The following KDSR variants were observed in gnomAD, a reference collection of about 807,000 sequenced individuals.
KDSR encodes 3-ketodihydrosphingosine reductase, also known as 3-dehydrosphinganine reductase.
Under a neutral mutation model 41.3 loss-of-function variants are expected in KDSR, and 23 were observed. That is an observed-to-expected ratio of 0.56 (90% CI 0.40 to 0.79). The LOEUF is 0.79. Ranked by LOEUF, KDSR falls within the 30% of genes least tolerant of loss-of-function variation. KDSR has a pLI of 0.00. For synonymous variants in KDSR, 138 were observed against 151.7 expected, an observed-to-expected ratio of 0.91 and a Z score of 0.66; for missense variants, 351 against 416.8, an observed-to-expected ratio of 0.84 and a Z score of 1.37.
intron 1 of KDSR, among the ~76,000 whole-genome samples, chr18:63,363,245 A>C (rs960593324): frequency 7.1e-6 from 1 of 140,272 alleles, no homozygotes; most frequent in African/African-American, 2.7e-5. Context: ...TTATACTCTA[A>C]GTTTTAGGGT....
chr18:63,340,397 CA>C (rs1286931013), intron 7 of KDSR, among the ~76,000 whole-genome samples: 27 of 152,196 alleles, frequency 1.8e-4, no homozygotes, highest in Non-Finnish European at 1.8e-4. Context: ...CATCTTTCTA[CA>C]AATATACAGT....
intron 3 of KDSR, among the ~76,000 whole-genome samples, chr18:63,357,079 T>C (rs1352669919): frequency 6.6e-6 from 1 of 152,204 alleles, no homozygotes; most frequent in African/African-American, 2.4e-5. Context: ...ATTTACTTAA[T>C]GCACATGGAA....
Position 63,338,852 on chromosome 18 carries a change from G to A in KDSR, c.725C>T (p.Thr242Ile), listed in dbSNP as rs1914260896. 2 of 1,608,768 alleles carry A rather than the reference G, an allele frequency of 1.2e-6. No homozygotes were observed. Among genetic ancestry groups the A allele is most frequent in the Admixed American group, 1.7e-5 (1 of 58,336 alleles). ...CACCTGTTCTGGTTTGCACACAGATGTGGTCTCTGAAATAAGTCGAGTCTC... is the reference window on the plus strand; with the variant it reads ...CACCTGTTCTGGTTTGCACACAGATATGGTCTCTGAAATAAGTCGAGTCTC... ...PLETRLISET[T>I]SVCKPEQVAK... Residue 242 changes from threonine to isoleucine, a missense_variant, in exon 8 of 10, where the codon ACA (threonine) becomes ATA (isoleucine). Transcript: ENST00000645214.
rs74169956 is a variant in KDSR, at chr18:63,331,266, AAG to A, written c.*514_*515del. On this transcript the variant is annotated 3_prime_UTR_variant, in exon 10 of 10. Transcript: ENST00000645214. ...CTTGAATAAAATACACAAAGAAAGAAAGAGAGAGAGAGAGAGAGACAGAGAGA... is the reference window on the plus strand; with the variant it reads ...CTTGAATAAAATACACAAAGAAAGAAAGAGAGAGAGAGAGAGACAGAGAGA... 515 of 155,952 alleles carry A rather than the reference AAG, an allele frequency of 3.3e-3. No individual in the cohort carries two copies. The highest frequency in any genetic ancestry group is 6.7e-3 in the East Asian group (88 of 13,208). 9.7% of individuals were successfully genotyped at this position (155,952 alleles called of 1,614,324 possible). A position where few individuals can be genotyped will look rare whatever the true frequency, so the allele number is the denominator to read the frequency against.
At chr18:63,359,180 A>G (rs1468038341) in intron 3 of KDSR, among the ~76,000 whole-genome samples, 1 of 143,026 alleles carries the variant, frequency 7.0e-6, no homozygotes, top group African/African-American at 2.5e-5. Context: ...CACTGCCTCA[A>G]AAAAAAAAAA....
At chr18:63,332,397 C>T (rs1914030201) in intron 9 of KDSR, among the ~76,000 whole-genome samples, 1 of 152,194 alleles carries the variant, frequency 6.6e-6, no homozygotes, top group South Asian at 2.1e-4. Context: ...CCCGTGATTA[C>T]TGATATCCTG....
intron 3 of KDSR, among the ~76,000 whole-genome samples, chr18:63,358,011 A>C (rs2144374902): frequency 6.6e-6 from 1 of 152,178 alleles, no homozygotes; most frequent in East Asian, 1.9e-4. Context: ...CCCTGTCTCT[A>C]CTAAAAATAC....
rs1361730463 is a variant in KDSR at position 63,331,645 on chromosome 18, C to T, written c.*137G>A. The T allele has an allele frequency of 4.0e-6, 3 of 748,870 alleles. No individual in the cohort carries two copies. Among genetic ancestry groups the T allele is most frequent in the East Asian group, 2.6e-5 (1 of 38,866 alleles). The allele number at this position is 748,870 out of a possible 1,614,324, so 46.4% of individuals were successfully genotyped here. A position where few individuals can be genotyped will look rare whatever the true frequency, so the allele number is the denominator to read the frequency against. On this transcript the variant is annotated 3_prime_UTR_variant, in exon 10 of 10. Coordinates refer to ENST00000645214, the MANE Select transcript of KDSR (RefSeq NM_002035.4). ...ACTTCTAGCCCCTTGCTTGCAGCCA[C>T]ATTCCTGAAGAGCACTGGTCCAATC...
At chr18:63,340,092 C>T (rs112028092) in intron 7 of KDSR, among the ~76,000 whole-genome samples, 4,252 of 152,184 alleles carry the variant, frequency 0.028, 85 homozygotes, top group Middle Eastern at 0.051. Context: ...CCTAAAGGGC[C>T]CACACATCAA....
intron 5 of KDSR, among the ~76,000 whole-genome samples, chr18:63,354,515 A>T (rs1355926083): frequency 3.9e-5 from 6 of 152,104 alleles, no homozygotes; most frequent in Non-Finnish European, 7.4e-5. Context: ...TAAAATAAAA[A>T]AAATTAGCTG....
Position 63,341,388 on chromosome 18 carries a change from C to T in KDSR, c.694-2505G>A, listed in dbSNP as rs185945046. Among the ~76,000 whole-genome samples, 20 of 150,498 alleles carry T rather than the reference C, an allele frequency of 1.3e-4. 1 individual carries two copies. Among genetic ancestry groups the T allele is most frequent in the Admixed American group, 1.1e-3 (17 of 15,090 alleles). ...GAGATCTAAAGTAATTTTTATGTAA[C>T]CCAGTAGAAATAAAGATTTCAACAA... On this transcript the variant is annotated intron_variant, in intron 7 of 9. Transcript: ENST00000645214.
In KDSR at chr18:63,350,929, T is replaced by C; in HGVS notation, c.568A>G (p.Lys190Glu). 1.2e-6 allele frequency: 2 copies of C among 1,613,966 alleles called. No individual in the cohort carries two copies. The highest frequency in any genetic ancestry group is 1.7e-6 in the Non-Finnish European group (2 of 1,179,940). The change falls in exon 6 of 10, where the codon AAG becomes GAG. Residue 190 changes from lysine (K) to glutamate (E), a missense_variant. Physicochemically the swap from Lys to Glu is moderately conservative, Grantham distance 56. Coordinates refer to ENST00000645214, the MANE Select transcript of KDSR (RefSeq NM_002035.4). ...LFGFTAYSAS[K>E]FAIRGLAEAL... ...TCTGCCAATCCCCTTATGGCAAACTTGGATGCAGAGTAGGCTGTGAAACCG... is the reference window on the plus strand; with the variant it reads ...TCTGCCAATCCCCTTATGGCAAACTCGGATGCAGAGTAGGCTGTGAAACCG...
At chr18:63,341,176 G>A (rs1176878121) in intron 7 of KDSR, among the ~76,000 whole-genome samples, 1 of 151,842 alleles carries the variant, frequency 6.6e-6, no homozygotes, top group Non-Finnish European at 1.5e-5. Flanking sequence ...AACAACAACA[G>A]AGAAAAAGAA....
At chr18:63,357,295 C>T (rs1162663588) in intron 3 of KDSR, among the ~76,000 whole-genome samples, 1 of 152,058 alleles carries the variant, frequency 6.6e-6, no homozygotes, top group Admixed American at 6.6e-5. Context: ...CTCTGCAATT[C>T]CATTTCTGGG....
At chr18:63,347,495 C>CAAAAAAAAAAAAA (rs36023779) in intron 6 of KDSR, among the ~76,000 whole-genome samples, 2 of 56,984 alleles carry the variant, frequency 3.5e-5, no homozygotes, top group Non-Finnish European at 5.8e-5. Context: ...GACTCCATCT[C>CAAAAAAAAAAAAA]AAAAAAAAAA....
intron 8 of KDSR, among the ~76,000 whole-genome samples, chr18:63,336,709 A>G (rs1171032495): frequency 6.6e-6 from 1 of 152,246 alleles, no homozygotes; most frequent in Non-Finnish European, 1.5e-5. Flanking sequence ...GTAACAGAGA[A>G]CAAAACATTC....
intron 7 of KDSR, among the ~76,000 whole-genome samples, chr18:63,344,071 G>C (rs1914427157): frequency 6.6e-6 from 1 of 152,232 alleles, no homozygotes; most frequent in Admixed American, 6.5e-5. Context: ...CAGCTACTCA[G>C]GTGGCTGAGG....
chr18:63,356,509 C>G (rs1290373946), intron 3 of KDSR, among the ~76,000 whole-genome samples: 1 of 152,090 alleles, frequency 6.6e-6, no homozygotes, highest in Non-Finnish European at 1.5e-5. Flanking sequence ...CAAGTGAAAT[C>G]TCAGAACAAA....
chr18:63,333,924 G>A (rs1914085191), intron 9 of KDSR, among the ~76,000 whole-genome samples: 1 of 152,188 alleles, frequency 6.6e-6, no homozygotes, highest in African/African-American at 2.4e-5. Context: ...TCTGACGTGA[G>A]GGACAGAAGC....
Sources: allele counts gnomAD v4.1 joint callset (sites outside exome capture counted in the v4.1 genomes callset), GRCh38; gene constraint gnomAD v4.1.1; transcripts MANE v1.5; gene names NCBI Gene and HGNC (gene_info 2026-07-23, HGNC 2026-07-21).